The following HBEGF variants were observed in gnomAD, a reference collection of about 807,000 sequenced individuals.
HBEGF encodes heparin binding EGF like growth factor.
Under a neutral mutation model 19.5 loss-of-function variants are expected in HBEGF, and 8 were observed. That is an observed-to-expected ratio of 0.41 (90% CI 0.24 to 0.74). The LOEUF is 0.74. HBEGF is among the 30% of genes least tolerant of loss of function. The pLI is 0.32. For synonymous variants in HBEGF, 97 were observed against 108.9 expected, an observed-to-expected ratio of 0.89 and a Z score of 0.68; for missense variants, 207 against 256.9, an observed-to-expected ratio of 0.81 and a Z score of 1.33.
rs1766336145 is a variant in HBEGF at position 140,342,824 on chromosome 5, A to G, written c.221-12T>C. 1 of 1,613,842 alleles carries G rather than the reference A, an allele frequency of 6.2e-7. No homozygotes were observed. Among genetic ancestry groups the G allele is most frequent in the South Asian group, 1.1e-5 (1 of 91,080 alleles). On this transcript the variant is annotated splice_polypyrimidine_tract_variant and intron_variant, in intron 2 of 5. Coordinates refer to ENST00000230990, the MANE Select transcript of HBEGF (RefSeq NM_001945.3). ...GGAGGATAAAGTGACTGTAGGAGAA[A>G]AGCACTCTGTTAAAGTCTGACTCTT...
Sources: gnomAD v4.1 joint callset for allele counts on GRCh38, gnomAD v4.1.1 for gene constraint, MANE v1.5 for transcripts, NCBI Gene and HGNC (gene_info 2026-07-23, HGNC 2026-07-21) for gene names.